Variants in CSMD1 observed in about 807,000 individuals in gnomAD.
The protein encoded by CSMD1 is CUB and Sushi multiple domains 1.
In CSMD1, 213 loss-of-function variants were observed where a neutral mutation model predicts 417.5. The observed-to-expected ratio is 0.51, with a 90% confidence interval of 0.46 to 0.57. The LOEUF (loss-of-function observed/expected upper bound fraction) is 0.57. Among genes scored for constraint, CSMD1 ranks in the 20% least tolerant of loss-of-function variants. The pLI is 0.00. For missense variants in CSMD1, 6,923 were observed against 4,529.7 expected, an observed-to-expected ratio of 1.53 and a Z score of -15.17; for synonymous variants, 2,862 against 1,736.8, an observed-to-expected ratio of 1.65 and a Z score of -16.11.
intron 2 of CSMD1, among the ~76,000 whole-genome samples, chr8:4,623,856 G>A (rs1041398732): frequency 6.6e-6 from 1 of 152,056 alleles, no homozygotes; most frequent in Non-Finnish European, 1.5e-5. Context: ...AACACAGGAT[G>A]GATGACCGGG....
chr8:3,279,492 G>A (rs796806487), intron 26 of CSMD1, among the ~76,000 whole-genome samples: 3 of 152,238 alleles, frequency 2.0e-5, no homozygotes, highest in African/African-American at 7.2e-5. Context: ...TTACAGAACT[G>A]TATTTTTTAA....
intron 2 of CSMD1, among the ~76,000 whole-genome samples, chr8:4,547,122 AC>A (rs761069699): frequency 6.6e-6 from 1 of 152,034 alleles, no homozygotes; most frequent in Non-Finnish European, 1.5e-5. Flanking sequence ...CATCCCCCAG[AC>A]CTGTTTCTAA....
chr8:4,253,019 C>T (rs1341062873), intron 3 of CSMD1, among the ~76,000 whole-genome samples: 2 of 152,198 alleles, frequency 1.3e-5, no homozygotes, highest in Non-Finnish European at 2.9e-5. Context: ...TCGGTACCAG[C>T]AGCTGAACAA....
intron 5 of CSMD1, among the ~76,000 whole-genome samples, chr8:3,993,343 T>G (rs1563294802): frequency 6.6e-6 from 1 of 152,192 alleles, no homozygotes; most frequent in Non-Finnish European, 1.5e-5. Context: ...ACTCAGCATG[T>G]TCCTCTATAA....
intron 10 of CSMD1, among the ~76,000 whole-genome samples, chr8:3,558,322 AATG>A (rs148548188): frequency 0.013 from 1,534 of 118,982 alleles, 56 homozygotes; most frequent in Non-Finnish European, 0.023. Flanking sequence ...TCCAATGATG[AATG>A]ATGCCTCAGT....
rs190262464 is a variant in CSMD1, at chr8:3,462,781, A to G, written c.1561+5931T>C. On this transcript the variant is annotated intron_variant, in intron 12 of 69. Coordinates refer to ENST00000635120, the MANE Select transcript of CSMD1 (RefSeq NM_033225.6). The stretch of plus-strand genomic sequence containing the variant: ...TACCTTAAAACCGGTCCCTTGTGCC[A>G]AAAAGGCTGGGGACTCTTATCTAAG... Among the ~76,000 whole-genome samples the G allele has an allele frequency of 3.5e-4, 53 of 151,412 alleles. No homozygotes were observed. In the East Asian group the frequency reaches 9.9e-3, roughly 28 times the overall value.
At chr8:3,551,527 T>A (rs913179542) in intron 10 of CSMD1, among the ~76,000 whole-genome samples, 1 of 151,102 alleles carries the variant, frequency 6.6e-6, no homozygotes, top group African/African-American at 2.4e-5. Flanking sequence ...CCCTAACCAC[T>A]GCTTCTATAT....
chr8:3,087,529 G>C (rs1814630070), intron 48 of CSMD1, among the ~76,000 whole-genome samples: 1 of 152,182 alleles, frequency 6.6e-6, no homozygotes, highest in Admixed American at 6.5e-5. Context: ...CCTGAATACA[G>C]TACTGTGAGA....
chr8:4,723,108 G>C (rs1809172415), intron 1 of CSMD1, among the ~76,000 whole-genome samples: 1 of 152,104 alleles, frequency 6.6e-6, no homozygotes, highest in Non-Finnish European at 1.5e-5. Context: ...TTATATATCT[G>C]ACTTGTACAC....
intron 4 of CSMD1, among the ~76,000 whole-genome samples, chr8:4,008,027 T>A (rs1816262784): frequency 6.6e-6 from 1 of 152,240 alleles, no homozygotes; most frequent in Non-Finnish European, 1.5e-5. Flanking sequence ...ATTTGTGTGT[T>A]TTTGCTTTGC....
chr8:3,812,342 G>A (rs1801135480), intron 5 of CSMD1, among the ~76,000 whole-genome samples: 1 of 152,168 alleles, frequency 6.6e-6, no homozygotes, highest in South Asian at 2.1e-4. Flanking sequence ...TCATGTGAAT[G>A]ACAATTTGTC....
chr8:4,155,775 A>C (rs899055458), intron 3 of CSMD1, among the ~76,000 whole-genome samples: 1 of 152,142 alleles, frequency 6.6e-6, no homozygotes. Flanking sequence ...TCTTTCCAGT[A>C]ATTTGTGTAT....
intron 6 of CSMD1, among the ~76,000 whole-genome samples, chr8:3,733,391 G>A (rs925634219): frequency 1.6e-4 from 23 of 147,336 alleles, no homozygotes; most frequent in African/African-American, 5.5e-4. Flanking sequence ...TATATTATCT[G>A]GATTAGATGA....
At position 4,539,424 on chromosome 8, in the gene CSMD1, A is replaced by T. The variant is rs903779614; in HGVS notation, c.302+97918T>A. Among the ~76,000 whole-genome samples, 4 of 152,230 alleles carry T rather than the reference A, an allele frequency of 2.6e-5. No individual in the cohort carries two copies. The South Asian group carries it at 8.3e-4, about 31-fold the overall frequency. On this transcript the variant is annotated intron_variant, in intron 2 of 69. Coordinates refer to ENST00000635120, the MANE Select transcript of CSMD1 (RefSeq NM_033225.6). ...TCATCATTTCATTTATGATGGCATT[A>T]CATTTTTAGTCAGTCTTCAAAAACT...
chr8:3,675,358 T>G (rs1487870255), intron 7 of CSMD1, among the ~76,000 whole-genome samples: 2 of 152,172 alleles, frequency 1.3e-5, no homozygotes, highest in Non-Finnish European at 2.9e-5. Flanking sequence ...GTAGCCTCCA[T>G]AGTAAGGCCT....
At chr8:4,511,997 C>T (rs1053781375) in intron 2 of CSMD1, among the ~76,000 whole-genome samples, 1 of 152,132 alleles carries the variant, frequency 6.6e-6, no homozygotes, top group African/African-American at 2.4e-5. Context: ...AAAAAGAAAA[C>T]TGCAGACCAT....
intron 14 of CSMD1, among the ~76,000 whole-genome samples, chr8:3,407,103 A>G (rs991277077): frequency 4.6e-5 from 7 of 152,116 alleles, no homozygotes; most frequent in African/African-American, 1.4e-4. Context: ...GGAGGGATGG[A>G]TGGAAAGATG....
chr8:3,708,366 T>A (rs374110097), intron 7 of CSMD1, 48 bp downstream of exon 7: 8 of 1,518,678 alleles, frequency 5.3e-6, no homozygotes, highest in Non-Finnish European at 7.3e-6. Context: ...TTCTCTCCTC[T>A]GCTTACAAGG....
intron 3 of CSMD1, among the ~76,000 whole-genome samples, chr8:4,111,141 C>T (rs1370468773): frequency 6.6e-6 from 1 of 152,136 alleles, no homozygotes; most frequent in Non-Finnish European, 1.5e-5. Flanking sequence ...TTGGTTCGTA[C>T]ACTCTAATGA....
Sources: gnomAD v4.1 joint callset for allele counts (sites outside exome capture counted in the v4.1 genomes callset) on GRCh38, gnomAD v4.1.1 for gene constraint, MANE v1.5 for transcripts, NCBI Gene and HGNC (gene_info 2026-07-23, HGNC 2026-07-21) for gene names.